Variants in PCED1B observed in about 807,000 individuals in gnomAD.
PCED1B encodes the protein PC-esterase domain-containing protein 1B.
For synonymous variants in PCED1B, 251 were observed against 246.1 expected, an observed-to-expected ratio of 1.02 and a Z score of -0.19; for missense variants, 573 against 573.9, an observed-to-expected ratio of 1.00 and a Z score of 0.02.
At chr12:47,221,690 A>T (rs548458627) in intron 3 of PCED1B, among the ~76,000 whole-genome samples, 1 of 152,250 alleles carries the variant, frequency 6.6e-6, no homozygotes, top group African/African-American at 2.4e-5. Flanking sequence ...ATGTGCTGCC[A>T]TCATTCCCAT....
chr12:47,231,595 T>C (rs554204155), intron 3 of PCED1B, among the ~76,000 whole-genome samples: 124 of 152,322 alleles, frequency 8.1e-4, no homozygotes, highest in African/African-American at 2.2e-3. Context: ...CTGCCACCGC[T>C]GCTTCACAAG....
intron 2 of PCED1B, among the ~76,000 whole-genome samples, chr12:47,203,089 C>A (rs1942815435): frequency 6.6e-6 from 1 of 151,798 alleles, no homozygotes; most frequent in Admixed American, 6.6e-5. Context: ...CCTGCCTCAG[C>A]CCCCCAAGTA....
intron 2 of PCED1B, among the ~76,000 whole-genome samples, chr12:47,175,116 A>T (rs535043461): frequency 2.5e-4 from 38 of 152,248 alleles, no homozygotes; most frequent in Middle Eastern, 3.4e-3. Context: ...TGCATTTTTG[A>T]TATTTAGAAT....
chr12:47,117,459 G>A (rs1939474085), intron 2 of PCED1B, among the ~76,000 whole-genome samples: 1 of 151,878 alleles, frequency 6.6e-6, no homozygotes, highest in Non-Finnish European at 1.5e-5. Context: ...TTGGTTTTCT[G>A]TCCATGCGAC....
intron 2 of PCED1B, among the ~76,000 whole-genome samples, chr12:47,194,994 A>G (rs907773379): frequency 6.6e-6 from 1 of 152,150 alleles, no homozygotes; most frequent in Non-Finnish European, 1.5e-5. Context: ...GAGAGGGGGG[A>G]AGAAAAGCCT....
chr12:47,175,723 G>T (rs891171247), intron 2 of PCED1B, among the ~76,000 whole-genome samples: 3 of 151,646 alleles, frequency 2.0e-5, no homozygotes, highest in Non-Finnish European at 2.9e-5. Flanking sequence ...ACAGGCATCC[G>T]CCACCATGCC....
At position 47,236,142 on chromosome 12, in the gene PCED1B, C is replaced by A; in HGVS notation, c.1079C>A (p.Pro360His). 1 of 1,614,148 alleles carries A rather than the reference C, an allele frequency of 6.2e-7. No homozygotes were observed. Among genetic ancestry groups the A allele is most frequent in the Non-Finnish European group, 8.5e-7 (1 of 1,180,040 alleles). The change falls in exon 4 of 4, where the codon CCC (proline) becomes CAC (histidine). Residue 360 changes from proline to histidine, a missense_variant. By Grantham distance (77) the Pro-to-His change is moderately conservative. Transcript: ENST00000546455. ...SDQFYCHSDVPSSAHAGFFVE... is the reference protein window; with the variant it reads ...SDQFYCHSDVHSSAHAGFFVE... Reference sequence around the variant, plus strand: ...CAATTCTATTGCCATTCAGATGTCCCCTCATCAGCCCATGCAGGTTTCTTC... The same window carrying A: ...CAATTCTATTGCCATTCAGATGTCCACTCATCAGCCCATGCAGGTTTCTTC...
At chr12:47,207,086 G>T (rs1048636529) in intron 2 of PCED1B, among the ~76,000 whole-genome samples, 5 of 152,188 alleles carry the variant, frequency 3.3e-5, no homozygotes, top group African/African-American at 1.2e-4. Context: ...CTTATTAGGA[G>T]AACAGCATGT....
In PCED1B at chr12:47,212,074, CAAAA is replaced by C. The variant is rs34413650; in HGVS notation, c.-525-4131_-525-4128del. On this transcript the variant is annotated intron_variant, in intron 2 of 3. Coordinates refer to ENST00000546455, the MANE Select transcript of PCED1B (RefSeq NM_138371.3). ...TGGGAGACAGAGCGAGACTCCGTCTCAAAAAAAAAAAAAAAAAAAACCCAATCTC... is the reference window on the plus strand; with the variant it reads ...TGGGAGACAGAGCGAGACTCCGTCTCAAAAAAAAAAAAAAAACCCAATCTC... Among the ~76,000 whole-genome samples, 11 of 89,160 alleles carry C rather than the reference CAAAA, an allele frequency of 1.2e-4. No homozygotes were observed. In the East Asian group the frequency reaches 1.5e-3, roughly 13 times the overall value. 58.5% of individuals were successfully genotyped at this position (89,160 alleles called of 152,430 possible). A position where few individuals can be genotyped will look rare whatever the true frequency, so the allele number is the denominator to read the frequency against.
chr12:47,195,314 G>A (rs865849040), intron 2 of PCED1B, among the ~76,000 whole-genome samples: 3 of 146,278 alleles, frequency 2.1e-5, no homozygotes, highest in Non-Finnish European at 3.0e-5. Flanking sequence ...GGGCGATGGA[G>A]CGAGTCTCTG....
At chr12:47,210,980 A>T (rs1943060004) in intron 2 of PCED1B, among the ~76,000 whole-genome samples, 1 of 152,236 alleles carries the variant, frequency 6.6e-6, no homozygotes, top group Admixed American at 6.5e-5. Flanking sequence ...ATGATGCAAT[A>T]TGGGCCAATC....
At chr12:47,210,265 T>C (rs1943036630) in intron 2 of PCED1B, 1 of 152,206 alleles carries the variant, frequency 6.6e-6, no homozygotes, top group South Asian at 2.1e-4. Context: ...AATAAATGCA[T>C]AGGTAGAAAA....
intron 1 of PCED1B, among the ~76,000 whole-genome samples, chr12:47,097,465 T>C (rs1314045971): frequency 1.3e-5 from 2 of 152,176 alleles, no homozygotes; most frequent in African/African-American, 4.8e-5. Context: ...GGGCTGATAA[T>C]ATTTTGTTTA....
chr12:47,141,947 T>C (rs1265066634), intron 2 of PCED1B, among the ~76,000 whole-genome samples: 1 of 152,112 alleles, frequency 6.6e-6, no homozygotes, highest in African/African-American at 2.4e-5. Context: ...TCCTTGAGCT[T>C]GTGTGTGGAC....
rs1274084736 is a variant in PCED1B at position 47,217,510 on chromosome 12, A to AAGAC, written c.-58+824_-58+825insCAGA. ...AAAGAAAGAAAGAAAGAAAGAAAGA[A>AAGAC]AGAAAGAAGAAAGAGAAAGAGAGAA... On this transcript the variant is annotated intron_variant, in intron 3 of 3. Transcript: ENST00000546455. Among the ~76,000 whole-genome samples the AAGAC allele has an allele frequency of 3.3e-4, 45 of 138,026 alleles. 7 individuals are homozygous for AAGAC. The highest frequency in any genetic ancestry group is 1.3e-3 in the African/African-American group (41 of 31,296). 90.6% of individuals were successfully genotyped at this position (138,026 alleles called of 152,430 possible). A position where few individuals can be genotyped will look rare whatever the true frequency, so the allele number is the denominator to read the frequency against.
chr12:47,093,121 G>A (rs541835506), intron 1 of PCED1B, among the ~76,000 whole-genome samples: 1 of 151,582 alleles, frequency 6.6e-6, no homozygotes, highest in South Asian at 2.1e-4. Flanking sequence ...CTGAGCCCAG[G>A]CTTTTCTTTT....
chr12:47,153,415 T>C (rs1941077480), intron 2 of PCED1B, among the ~76,000 whole-genome samples: 1 of 151,468 alleles, frequency 6.6e-6, no homozygotes, highest in South Asian at 2.1e-4. Flanking sequence ...TGTACTGAAT[T>C]ACACAGTTTA....
intron 2 of PCED1B, among the ~76,000 whole-genome samples, chr12:47,127,956 G>A (rs543303437): frequency 2.0e-5 from 3 of 152,250 alleles, no homozygotes; most frequent in African/African-American, 4.8e-5. Context: ...TTTGCATTAT[G>A]ATACCGCTTT....
chr12:47,137,102 T>C (rs117569679), intron 2 of PCED1B, among the ~76,000 whole-genome samples: 654 of 152,350 alleles, frequency 4.3e-3, no homozygotes, highest in Non-Finnish European at 7.1e-3. Flanking sequence ...AAGTAACATA[T>C]CTGTAGACTA....
Sources: gnomAD v4.1 joint callset for allele counts (sites outside exome capture counted in the v4.1 genomes callset) on GRCh38, gnomAD v4.1.1 for gene constraint, MANE v1.5 for transcripts, NCBI Gene and HGNC (gene_info 2026-07-23, HGNC 2026-07-21) for gene names.